Variants in KCNQ3 observed in about 807,000 individuals in gnomAD.
The protein encoded by KCNQ3 is potassium voltage-gated channel subfamily Q member 3.
KCNQ3 carries 30 observed loss-of-function variants against 92.5 expected under a neutral mutation model. That is an observed-to-expected ratio of 0.32 (90% CI 0.24 to 0.44). The LOEUF is 0.44. Among genes scored for constraint, KCNQ3 ranks in the 20% least tolerant of loss-of-function variants. KCNQ3 has a pLI of 1.00. For missense variants in KCNQ3, 913 were observed against 1,140.3 expected (o/e 0.80, Z 2.87); for synonymous variants, 450 against 468.8 (o/e 0.96, Z 0.52).
At chr8:132,405,290 G>C (rs981071821) in intron 1 of KCNQ3, among the ~76,000 whole-genome samples, 1 of 152,142 alleles carries the variant, frequency 6.6e-6, no homozygotes, top group Non-Finnish European at 1.5e-5. Flanking sequence ...GCGGGTATGG[G>C]GGAAGCAGAG....
intron 1 of KCNQ3, among the ~76,000 whole-genome samples, chr8:132,257,764 AAAGAGAG>A (rs1229373645): frequency 9.0e-6 from 1 of 111,298 alleles, no homozygotes; most frequent in East Asian, 3.5e-4. Flanking sequence ...AAAAAAAAAA[AAAGAGAG>A]AGAGAGACAG....
At chr8:132,175,808 G>C (rs1826529131) in intron 4 of KCNQ3, among the ~76,000 whole-genome samples, 200 bp from the exon 5 acceptor site, 1 of 152,154 alleles carries the variant, frequency 6.6e-6, no homozygotes, top group African/African-American at 2.4e-5. Flanking sequence ...TTAATTAACA[G>C]AAAAAGTGTA....
intron 1 of KCNQ3, among the ~76,000 whole-genome samples, chr8:132,324,075 T>G (rs1817972000): frequency 6.6e-6 from 1 of 152,190 alleles, no homozygotes; most frequent in South Asian, 2.1e-4. Flanking sequence ...CATATCTTAG[T>G]TCTTCATGCT....
intron 1 of KCNQ3, among the ~76,000 whole-genome samples, chr8:132,421,614 C>CT (rs879611768): frequency 2.0e-5 from 3 of 152,008 alleles, no homozygotes; most frequent in South Asian, 2.1e-4. Context: ...TGAAAGTGGT[C>CT]TTTTTTTTCT....
rs375379466 is a variant in KCNQ3, at chr8:132,129,427, G to A, written c.2454C>T (p.Phe818=). 1.3e-5 allele frequency: 21 copies of A among 1,614,054 alleles called. No homozygotes were observed. In the African/African-American group the frequency reaches 1.6e-4, roughly 12 times the overall value. ...SISQDRDDYV[F]GPNGGSSWMR... Reference sequence around the variant, plus strand: ...TCCAGCTCGACCCCCCATTGGGGCCGAACACATAATCATCTCTGTCCTGGG... The same window carrying A: ...TCCAGCTCGACCCCCCATTGGGGCCAAACACATAATCATCTCTGTCCTGGG... The change falls in exon 15 of 15, where the codon TTC becomes TTT. Residue 818 remains phenylalanine (F), a synonymous_variant. Coordinates refer to ENST00000388996, the MANE Select transcript of KCNQ3 (RefSeq NM_004519.4). The surrounding 1 kb of genome is among the most constrained non-coding windows in gnomAD (Gnocchi z 5.9).
intron 1 of KCNQ3, among the ~76,000 whole-genome samples, chr8:132,402,906 T>C (rs1820376193): frequency 6.7e-6 from 1 of 149,408 alleles, no homozygotes; most frequent in Non-Finnish European, 1.5e-5. Context: ...AGTCCCAGCT[T>C]ACTCAGGAGG....
At chr8:132,301,089 T>C (rs1817200698) in intron 1 of KCNQ3, among the ~76,000 whole-genome samples, 2 of 152,172 alleles carry the variant, frequency 1.3e-5, no homozygotes, top group African/African-American at 4.8e-5. Flanking sequence ...TCTTTAAGCC[T>C]ACCCCACGAT....
intron 12 of KCNQ3, among the ~76,000 whole-genome samples, 163 bp from the exon 13 acceptor site, chr8:132,134,551 TGAGGAGAGGAGAGGG>T (rs1563764988): frequency 2.1e-5 from 3 of 142,384 alleles, no homozygotes; most frequent in Non-Finnish European, 4.6e-5. Context: ...AGAGGAGAAG[TGAGGAGAGGAGAGGG>T]GAGGAGAGGA....
chr8:132,326,296 C>T (rs1436480131), intron 1 of KCNQ3, among the ~76,000 whole-genome samples: 2 of 152,154 alleles, frequency 1.3e-5, no homozygotes, highest in African/African-American at 2.4e-5. Context: ...TGGAAGTCAT[C>T]GGGCAGGGTT....
At chr8:132,200,545 T>C (rs1450148863) in intron 1 of KCNQ3, among the ~76,000 whole-genome samples, 1 of 152,180 alleles carries the variant, frequency 6.6e-6, no homozygotes, top group Non-Finnish European at 1.5e-5. Flanking sequence ...AAAACTTAAA[T>C]ATATGGGACC....
At chr8:132,174,185 C>T (rs914493362) in intron 6 of KCNQ3, 54 bp downstream of exon 6, 6 of 1,261,766 alleles carry the variant, frequency 4.8e-6, no homozygotes, top group Admixed American at 3.9e-5. Context: ...TGGCACCAGG[C>T]GGTAAGGGGT....
At chr8:132,327,686 C>A (rs1204268440) in intron 1 of KCNQ3, among the ~76,000 whole-genome samples, 1 of 152,214 alleles carries the variant, frequency 6.6e-6, no homozygotes, top group African/African-American at 2.4e-5. Context: ...ACCTGCTGGG[C>A]TCCATGGGCC....
At chr8:132,281,453 T>C (rs1816509171) in intron 1 of KCNQ3, among the ~76,000 whole-genome samples, 1 of 152,098 alleles carries the variant, frequency 6.6e-6, no homozygotes, top group South Asian at 2.1e-4. Flanking sequence ...GGAATATATA[T>C]ACACATACAC....
At chr8:132,132,319 G>A in intron 13 of KCNQ3, 55 bp from the exon 14 acceptor site, 1 of 1,442,498 alleles carries the variant, frequency 6.9e-7, no homozygotes, top group Non-Finnish European at 9.7e-7. Context: ...TGCTATGCAA[G>A]GTAATTTCGG....
intron 1 of KCNQ3, among the ~76,000 whole-genome samples, chr8:132,283,102 T>TGTGTGTGTGTGTGTATGTGTG (rs1554640535): frequency 5.3e-5 from 8 of 151,846 alleles, no homozygotes; most frequent in African/African-American, 1.9e-4. Flanking sequence ...CGTGTGTGTG[T>TGTGTGTGTGTGTGTATGTGTG]GTGTGTGTGT....
intron 1 of KCNQ3, among the ~76,000 whole-genome samples, chr8:132,463,158 C>G (rs1246419621): frequency 6.6e-6 from 1 of 152,176 alleles, no homozygotes; most frequent in Non-Finnish European, 1.5e-5. Flanking sequence ...TTAAAAAGAC[C>G]AGACTGTGTG....
rs376689995 is a variant in KCNQ3 at position 132,163,452 on chromosome 8, A to G, written c.1262+16T>C. The G allele has an allele frequency of 6.2e-7, 1 of 1,607,874 alleles. No individual in the cohort carries two copies. Among genetic ancestry groups the G allele is most frequent in the Non-Finnish European group, 8.5e-7 (1 of 1,174,292 alleles). On this transcript the variant is annotated intron_variant, in intron 9 of 14. Coordinates refer to ENST00000388996, the MANE Select transcript of KCNQ3 (RefSeq NM_004519.4). ...CACAGAGATGTGAAGAAGGGAATTC[A>G]TAATCAGAAACTTACCTGGATGCTG...
chr8:132,447,710 C>A (rs887052124), intron 1 of KCNQ3, among the ~76,000 whole-genome samples: 2 of 152,218 alleles, frequency 1.3e-5, no homozygotes, highest in Admixed American at 6.5e-5. Context: ...ACCAGGAGTT[C>A]TAAGGACAGA....
At chr8:132,424,158 A>G (rs1310114353) in intron 1 of KCNQ3, among the ~76,000 whole-genome samples, 1 of 144,152 alleles carries the variant, frequency 6.9e-6, no homozygotes, top group Non-Finnish European at 1.5e-5. Context: ...TTCTCCAAGC[A>G]CAGCAAAGTG....
Sources: gnomAD v4.1 joint callset for allele counts (sites outside exome capture counted in the v4.1 genomes callset) on GRCh38, gnomAD v4.1.1 for gene constraint, Gnocchi (gnomAD v3.1) non-coding constraint, MANE v1.5 for transcripts, NCBI Gene and HGNC (gene_info 2026-07-23, HGNC 2026-07-21) for gene names.